FCGR2A: variants seen among roughly 807,000 people sequenced by gnomAD.
FCGR2A encodes the protein Fc gamma receptor IIa.
FCGR2A carries 18 observed loss-of-function variants against 29.3 expected under a neutral mutation model. That is an observed-to-expected ratio of 0.62 (90% confidence interval 0.43 to 0.91). The LOEUF is 0.91. Ranked by LOEUF, FCGR2A falls within the 40% of genes least tolerant of loss-of-function variation. FCGR2A has a pLI of 0.00. For synonymous variants in FCGR2A, 126 were observed against 144.8 expected (o/e 0.87, Z 0.93); for missense variants, 287 against 393.0 (o/e 0.73, Z 2.28).
rs755723615 is a variant in FCGR2A, at chr1:161,506,419, G to C, written c.192G>C (p.Gly64=). The change falls in exon 3 of 7, where the codon GGG becomes GGC. Residue 64 remains glycine, a synonymous_variant. Coordinates refer to ENST00000271450, the MANE Select transcript of FCGR2A (RefSeq NM_001136219.3). ...ACTCTGTGACTCTGACATGCCAGGG[G>C]GCTCGCAGCCCTGAGAGCGACTCCA... ...QEDSVTLTCQ[G]ARSPESDSIQ... is the part of the protein sequence containing the mutation. 3 of 1,614,200 alleles carry C rather than the reference G, an allele frequency of 1.9e-6. No individual in the cohort carries two copies. Among genetic ancestry groups the C allele is most frequent in the South Asian group, 2.2e-5 (2 of 91,088 alleles).
At chr1:161,508,596 AAAAAAG>A (rs1675572890) in intron 3 of FCGR2A, among the ~76,000 whole-genome samples, 2 of 151,892 alleles carry the variant, frequency 1.3e-5, no homozygotes, top group African/African-American at 4.8e-5. Flanking sequence ...TCAAAAAAAA[AAAAAAG>A]AAAAAGAAAA....
Position 161,518,618 on chromosome 1 carries a change from C to CTT in FCGR2A, c.*481_*482dup, listed in dbSNP as rs10537486. ...GCGCCTCAGATTTTTCCTTTAACAT[C>CTT]TTTTTTTTTTTTGACAGAGTCTCAA... On this transcript the variant is annotated 3_prime_UTR_variant, in exon 7 of 7. Coordinates refer to ENST00000271450, the MANE Select transcript of FCGR2A (RefSeq NM_001136219.3). 5.1e-3 allele frequency: 805 copies of CTT among 158,674 alleles called. 4 individuals are homozygous for CTT. Among genetic ancestry groups the CTT allele is most frequent in the South Asian group, 0.012 (81 of 6,746 alleles). 9.8% of individuals were successfully genotyped at this position (158,674 alleles called of 1,614,324 possible).
intron 6 of FCGR2A, among the ~76,000 whole-genome samples, chr1:161,517,316 C>T (rs2446627): frequency 3.9e-5 from 6 of 152,068 alleles, no homozygotes; most frequent in African/African-American, 9.7e-5. Flanking sequence ...AAGATCTCAG[C>T]TGGCTTTATG....
intron 5 of FCGR2A, among the ~76,000 whole-genome samples, chr1:161,513,019 G>A (rs977342821): frequency 6.6e-6 from 1 of 151,910 alleles, no homozygotes; most frequent in Admixed American, 6.5e-5. Context: ...GCAAAGCTGG[G>A]TTGCTGGAAT....
In FCGR2A at chr1:161,510,576, A is replaced by C. The variant is rs573794610; in HGVS notation, c.620-258A>C. ...GGGGAATCCTTCCCTCTGCTCCTGC[A>C]TGCTCACCAGTGTGCTTTCATTCAT... On this transcript the variant is annotated intron_variant, in intron 4 of 6. Transcript: ENST00000271450. Among the ~76,000 whole-genome samples, 69 of 152,302 alleles carry C rather than the reference A, an allele frequency of 4.5e-4. 1 individual carries two copies. The highest frequency in any genetic ancestry group is 1.6e-3 in the African/African-American group (66 of 41,562).
intron 5 of FCGR2A, among the ~76,000 whole-genome samples, chr1:161,511,229 A>G (rs1675755163): frequency 6.6e-6 from 1 of 152,140 alleles, no homozygotes; most frequent in Non-Finnish European, 1.5e-5. Flanking sequence ...GCCATTCTGG[A>G]GGAGGTGGTA....
In FCGR2A at chr1:161,506,377, C is replaced by G; in HGVS notation, c.150C>G (p.Ile50Met). Residue 50 changes from isoleucine to methionine, a missense_variant, in exon 3 of 7, where the codon ATC becomes ATG. Physicochemically the swap from Ile to Met is conservative, Grantham distance 10. Around this residue, in one of 3 missense-constraint regions of FCGR2A, gnomAD observed 181 missense variants for 250.9 expected, o/e 0.72. Coordinates refer to ENST00000271450, the MANE Select transcript of FCGR2A (RefSeq NM_001136219.3). Reference protein sequence around the residue: ...KAVLKLEPPWINVLQEDSVTL... With the variant: ...KAVLKLEPPWMNVLQEDSVTL... The stretch of plus-strand genomic sequence containing the variant: ...TGCTGAAACTTGAGCCCCCGTGGAT[C>G]AACGTGCTCCAGGAGGACTCTGTGA... 6.2e-7 allele frequency: 1 copy of G among 1,614,222 alleles called. No homozygotes were observed. Among genetic ancestry groups the G allele is most frequent in the Non-Finnish European group, 8.5e-7 (1 of 1,180,038 alleles).
At chr1:161,509,692 G>C in intron 3 of FCGR2A, 128 bp from the exon 4 acceptor site, 1 of 1,256,796 alleles carries the variant, frequency 8.0e-7, no homozygotes, top group Admixed American at 1.9e-5. Context: ...GCTCACATCT[G>C]TCATGAAGCA....
chr1:161,507,544 T>G (rs1003696192), intron 3 of FCGR2A, among the ~76,000 whole-genome samples: 2 of 152,210 alleles, frequency 1.3e-5, no homozygotes, highest in African/African-American at 2.4e-5. Context: ...CATTCAGTGT[T>G]TTAGATTCTC....
intron 5 of FCGR2A, among the ~76,000 whole-genome samples, chr1:161,511,971 T>G (rs1420223501): frequency 2.6e-5 from 4 of 152,098 alleles, no homozygotes; most frequent in African/African-American, 7.2e-5. Flanking sequence ...AATCGCTTGG[T>G]CAACTCTGAG....
chr1:161,517,745 CA>C (rs1676231458), intron 6 of FCGR2A, among the ~76,000 whole-genome samples: 1 of 152,000 alleles, frequency 6.6e-6, no homozygotes, highest in South Asian at 2.1e-4. Flanking sequence ...GAGCTTAGTG[CA>C]AAACAATAGC....
chr1:161,515,891 C>T (rs1413637194), intron 6 of FCGR2A, among the ~76,000 whole-genome samples: 2 of 152,204 alleles, frequency 1.3e-5, no homozygotes, highest in South Asian at 2.1e-4. Context: ...TAATATTATT[C>T]TACCTCCAGA....
rs953429217 is a variant in FCGR2A, at chr1:161,518,875, G to A, written c.*727G>A. The stretch of plus-strand genomic sequence containing the variant: ...TGGCCTCTAGCGATCTGCCCGCCTC[G>A]GCCTCCCAAAGTGCTGGGATGACCA... On this transcript the variant is annotated 3_prime_UTR_variant, in exon 7 of 7. Coordinates refer to ENST00000271450, the MANE Select transcript of FCGR2A (RefSeq NM_001136219.3). The A allele has an allele frequency of 1.0e-4, 22 of 218,876 alleles. No homozygotes were observed. Among genetic ancestry groups the A allele is most frequent in the South Asian group, 9.7e-4 (12 of 12,370 alleles). The allele number at this position is 218,876 out of a possible 1,614,324, so 13.6% of individuals were successfully genotyped here. A position where few individuals can be genotyped will look rare whatever the true frequency, so the allele number is the denominator to read the frequency against.
rs1675363076 is a variant in FCGR2A at position 161,505,996 on chromosome 1, A to G, written c.95A>G (p.Asp32Gly). 6.2e-7 allele frequency: 1 copy of G among 1,613,930 alleles called. No individual in the cohort carries two copies. Among genetic ancestry groups the G allele is most frequent in the African/African-American group, 1.3e-5 (1 of 74,922 alleles). Reference protein sequence around the residue: ...LTVLLLLASADSQAAAPPKAV... With the variant: ...LTVLLLLASAGSQAAAPPKAV... ...CTCTTCTCTTTTACAGCTTCTGCAG[A>G]CAGTCAAGCTGGTGAGTATGCCCTT... The change falls in exon 2 of 7, where the codon GAC becomes GGC. Residue 32 changes from aspartate (D) to glycine (G), a missense_variant. Physicochemically the swap from Asp to Gly is moderately conservative, Grantham distance 94 (BLOSUM62 -1). Coordinates refer to ENST00000271450, the MANE Select transcript of FCGR2A (RefSeq NM_001136219.3).
At chr1:161,508,295 CTT>C (rs35406997) in intron 3 of FCGR2A, among the ~76,000 whole-genome samples, 1 of 145,016 alleles carries the variant, frequency 6.9e-6, no homozygotes. Flanking sequence ...ATACAGAATA[CTT>C]TTTTTTTTTG....
In FCGR2A at chr1:161,506,368, C is replaced by T. The variant is rs1180023301; in HGVS notation, c.141C>T (p.Pro47=). ...CAAAGGCTGTGCTGAAACTTGAGCC[C>T]CCGTGGATCAACGTGCTCCAGGAGG... ...APPKAVLKLE[P]PWINVLQEDS... is the part of the protein sequence containing the mutation. The change falls in exon 3 of 7, where the codon CCC becomes CCT. Residue 47 remains proline (P), a synonymous_variant. Coordinates refer to ENST00000271450, the MANE Select transcript of FCGR2A (RefSeq NM_001136219.3). 33 of 1,614,242 alleles carry T rather than the reference C, an allele frequency of 2.0e-5. No individual in the cohort carries two copies. The highest frequency in any genetic ancestry group is 2.5e-5 in the Non-Finnish European group (30 of 1,180,054).
intron 6 of FCGR2A, among the ~76,000 whole-genome samples, chr1:161,517,149 GT>G (rs950075680): frequency 6.7e-6 from 1 of 149,770 alleles, no homozygotes; most frequent in Non-Finnish European, 1.5e-5. Context: ...TATTAACTTT[GT>G]TTTTTTAATA....
chr1:161,511,550 T>C (rs1477358313), intron 5 of FCGR2A, among the ~76,000 whole-genome samples: 1 of 152,214 alleles, frequency 6.6e-6, no homozygotes, highest in African/African-American at 2.4e-5. Flanking sequence ...CTGACACTCC[T>C]GGGCGTCCCC....
At chr1:161,521,881 GC>G (rs1676465625), downstream of FCGR2A, among the ~76,000 whole-genome samples, 1 of 152,052 alleles carries the variant, frequency 6.6e-6, no homozygotes, top group Non-Finnish European at 1.5e-5. Flanking sequence ...GTGAGAATGG[GC>G]TAACACATAC....
Sources: gnomAD v4.1 joint callset for allele counts (sites outside exome capture counted in the v4.1 genomes callset) on GRCh38, gnomAD v4.1.1 for gene constraint, gnomAD v4.1.1 regional missense constraint, MANE v1.5 for transcripts, NCBI Gene and HGNC (gene_info 2026-07-23, HGNC 2026-07-21) for gene names.